Variants in DPYSL3 observed in about 807,000 individuals in gnomAD.
DPYSL3 encodes dihydropyrimidinase like 3, also known as dihydropyrimidinase-related protein 3.
DPYSL3 carries 16 observed loss-of-function variants against 66.1 expected under a neutral mutation model. That is an observed-to-expected ratio of 0.24 (90% CI 0.16 to 0.37). DPYSL3 has a LOEUF of 0.37. Ranked by LOEUF, DPYSL3 falls within the 10% of genes least tolerant of loss-of-function variation. The probability of loss-of-function intolerance (pLI) is 1.00; values close to 1 mark genes in which losing one functional copy is unlikely to be tolerated. For missense variants in DPYSL3, 738 were observed against 916.2 expected, an observed-to-expected ratio of 0.81 and a Z score of 2.51; for synonymous variants, 338 against 345.1, an observed-to-expected ratio of 0.98 and a Z score of 0.23.
rs777808490 is a variant in DPYSL3 at position 147,415,704 on chromosome 5, C to G, written c.820+5G>C. On this transcript the variant is annotated splice_donor_5th_base_variant and intron_variant, in intron 4 of 13. Transcript: ENST00000343218. The stretch of plus-strand genomic sequence containing the variant: ...GAGGAGGGAGGACGGCATGTCCGGG[C>G]TCACCTTTGTCCTTGATGAGGTTCT... The G allele has an allele frequency of 1.6e-5, 26 of 1,612,990 alleles. No individual in the cohort carries two copies. Among genetic ancestry groups the G allele is most frequent in the African/African-American group, 2.7e-5 (2 of 74,896 alleles).
intron 1 of DPYSL3, among the ~76,000 whole-genome samples, chr5:147,478,662 C>CA (rs1753196243): frequency 1.3e-5 from 2 of 152,164 alleles, no homozygotes; most frequent in African/African-American, 4.8e-5. Flanking sequence ...CTCTGCCCCC[C>CA]ACACACACCA....
At chr5:147,502,341 C>A (rs983553722) in intron 1 of DPYSL3, among the ~76,000 whole-genome samples, 1 of 151,408 alleles carries the variant, frequency 6.6e-6, no homozygotes, top group Admixed American at 6.6e-5. Flanking sequence ...AATACTGCAT[C>A]TCCTCACTTT....
At chr5:147,486,790 A>C (rs1450871391) in intron 1 of DPYSL3, among the ~76,000 whole-genome samples, 1 of 152,208 alleles carries the variant, frequency 6.6e-6, no homozygotes, top group Non-Finnish European at 1.5e-5. Flanking sequence ...CTTCAAGTGG[A>C]CCTAGCCCTG....
In DPYSL3 at chr5:147,400,696, G is replaced by T; in HGVS notation, c.1448C>A (p.Ala483Asp). 1 of 1,613,922 alleles carries T rather than the reference G, an allele frequency of 6.2e-7. No individual in the cohort carries two copies. Among genetic ancestry groups the T allele is most frequent in the Admixed American group, 1.7e-5 (1 of 59,998 alleles). ...CCCATGACCTCCATGCCTTACCACAGCCTTGTCCCAGATGACAGACATCCG... is the reference window on the plus strand; with the variant it reads ...CCCATGACCTCCATGCCTTACCACATCCTTGTCCCAGATGACAGACATCCG... ...EERMSVIWDK[A>D]VATGKMDENQ... The change falls in exon 10 of 14, where the codon GCT (alanine) becomes GAT (aspartate). Residue 483 changes from alanine (A) to aspartate (D), a missense_variant. Transcript: ENST00000343218.
intron 1 of DPYSL3, among the ~76,000 whole-genome samples, chr5:147,451,908 C>T (rs1221817292): frequency 6.6e-6 from 1 of 152,022 alleles, no homozygotes; most frequent in Non-Finnish European, 1.5e-5. Flanking sequence ...CAGCACTAGA[C>T]AATACTGTGC....
chr5:147,506,462 T>C (rs1445692370), intron 1 of DPYSL3, among the ~76,000 whole-genome samples: 1 of 152,146 alleles, frequency 6.6e-6, no homozygotes, highest in Non-Finnish European at 1.5e-5. Flanking sequence ...CACTTCGCCA[T>C]GGTCATATCC....
chr5:147,406,513 G>C (rs1758327557), intron 7 of DPYSL3, among the ~76,000 whole-genome samples: 1 of 152,172 alleles, frequency 6.6e-6, no homozygotes, highest in Non-Finnish European at 1.5e-5. Flanking sequence ...AATAGGATCT[G>C]ACATGTTGGG....
chr5:147,464,875 G>A (rs925745659), intron 1 of DPYSL3, among the ~76,000 whole-genome samples: 6 of 152,162 alleles, frequency 3.9e-5, no homozygotes, highest in African/African-American at 1.2e-4. Context: ...CCTAAATCCT[G>A]AAGTTTTTGC....
chr5:147,485,681 C>T (rs1056471027), intron 1 of DPYSL3, among the ~76,000 whole-genome samples: 1 of 152,044 alleles, frequency 6.6e-6, no homozygotes, highest in Non-Finnish European at 1.5e-5. Flanking sequence ...AGTGGTAGGC[C>T]CTGCCCTTAC....
chr5:147,406,949 T>C (rs1413539686), intron 7 of DPYSL3, among the ~76,000 whole-genome samples: 1 of 152,190 alleles, frequency 6.6e-6, no homozygotes, highest in Non-Finnish European at 1.5e-5. Context: ...CTTTATTGCA[T>C]GTGGATGGGA....
chr5:147,420,107 C>T (rs1299424890), intron 2 of DPYSL3, among the ~76,000 whole-genome samples: 2 of 152,162 alleles, frequency 1.3e-5, no homozygotes, highest in Non-Finnish European at 2.9e-5. Context: ...CATCAAGTTT[C>T]TAGCAAAATC....
At chr5:147,446,479 G>C (rs142388672) in intron 1 of DPYSL3, among the ~76,000 whole-genome samples, 1,613 of 152,324 alleles carry the variant, frequency 0.011, 14 homozygotes, top group South Asian at 0.032. Flanking sequence ...CATGAGAAAT[G>C]TTGTCCTTGA....
At chr5:147,415,320 C>T (rs1246900259) in intron 4 of DPYSL3, among the ~76,000 whole-genome samples, 1 of 152,284 alleles carries the variant, frequency 6.6e-6, no homozygotes, top group African/African-American at 2.4e-5. Context: ...TCCCTAATCT[C>T]ATAGGTCATA....
At chr5:147,399,306 C>A in intron 10 of DPYSL3, 54 bp from the exon 11 acceptor site, 1 of 1,552,890 alleles carries the variant, frequency 6.4e-7, no homozygotes, top group South Asian at 1.2e-5. Context: ...TATATCAATT[C>A]AGGGCTTCTG....
intron 1 of DPYSL3, among the ~76,000 whole-genome samples, chr5:147,501,696 C>T (rs1411629100): frequency 1.3e-5 from 2 of 151,960 alleles, no homozygotes; most frequent in African/African-American, 2.4e-5. Context: ...ACAGGCTGGT[C>T]TCGAACTCCT....
intron 1 of DPYSL3, among the ~76,000 whole-genome samples, chr5:147,484,477 C>T (rs181319238): frequency 4.9e-4 from 75 of 152,314 alleles, no homozygotes; most frequent in African/African-American, 1.7e-3. Flanking sequence ...ATATCAACAA[C>T]CTACGTCCTT....
chr5:147,502,404 T>C (rs868662146), intron 1 of DPYSL3, among the ~76,000 whole-genome samples: 9 of 138,646 alleles, frequency 6.5e-5, no homozygotes, highest in Non-Finnish European at 1.3e-4. Flanking sequence ...CACACACATA[T>C]ACACACAGAT....
At chr5:147,468,704 T>C (rs1753043258) in intron 1 of DPYSL3, among the ~76,000 whole-genome samples, 1 of 150,870 alleles carries the variant, frequency 6.6e-6, no homozygotes, top group African/African-American at 2.5e-5. Context: ...ATTAACTTAA[T>C]AATTTTTTTT....
Position 147,401,614 on chromosome 5 carries a change from C to T in DPYSL3, c.1236G>A (p.Ala412=), listed in dbSNP as rs200777055. The change falls in exon 9 of 14, where the codon GCG becomes GCA. Residue 412 remains alanine (A), a synonymous_variant. Transcript: ENST00000343218. ...THYWSKNWAK[A]AAFVTSPPLS... is the part of the protein sequence containing the mutation. The stretch of plus-strand genomic sequence containing the variant: ...GGGGTGGGGATGTCACAAATGCAGC[C>T]GCCTTGGCCCAGTTCTTGCTCCAAT... The T allele has an allele frequency of 1.4e-4, 231 of 1,614,034 alleles. No individual in the cohort carries two copies. Among genetic ancestry groups the T allele is most frequent in the Non-Finnish European group, 1.8e-4 (214 of 1,179,994 alleles).
Sources: allele counts gnomAD v4.1 joint callset (sites outside exome capture counted in the v4.1 genomes callset), GRCh38; gene constraint gnomAD v4.1.1; transcripts MANE v1.5; gene names NCBI Gene and HGNC (gene_info 2026-07-23, HGNC 2026-07-21).